The following INPP5E variants were observed in gnomAD, a reference collection of about 807,000 sequenced individuals.
INPP5E encodes the protein inositol polyphosphate-5-phosphatase E.
Under a neutral mutation model 50.5 loss-of-function variants are expected in INPP5E, and 34 were observed. The ratio of observed to expected loss-of-function variants is 0.67; its 90% CI spans 0.51 to 0.90. INPP5E has a LOEUF of 0.90. Among genes scored for constraint, INPP5E ranks in the 40% least tolerant of loss-of-function variants. The pLI is 0.00. For missense variants in INPP5E, 942 were observed against 905.5 expected (o/e 1.04, Z -0.52); for synonymous variants, 447 against 406.0 (o/e 1.10, Z -1.21).
chr9:136,429,990 CAG>C (rs1457628910), intron 9 of INPP5E, among the ~76,000 whole-genome samples, 183 bp from the exon 10 acceptor site: 4 of 152,242 alleles, frequency 2.6e-5, no homozygotes, highest in African/African-American at 4.8e-5. Flanking sequence ...GTTCCTGGGA[CAG>C]AGCCGCAGGA....
chr9:136,429,619 GT>G lies in INPP5E; in HGVS notation c.*55del. On this transcript the variant is annotated 3_prime_UTR_variant, in exon 10 of 10. Coordinates refer to ENST00000371712, the MANE Select transcript of INPP5E (RefSeq NM_019892.6). ...GCAAACTCTTTGTCCTTCCCAGTGG[GT>G]TTTGATCAATACAATCACCCCACGT... 6.2e-7 allele frequency: 1 copy of G among 1,607,018 alleles called. No individual in the cohort carries two copies. The highest frequency in any genetic ancestry group is 8.5e-7 in the Non-Finnish European group (1 of 1,176,906).
At chr9:136,432,774 G>A (rs557157936) in intron 5 of INPP5E, among the ~76,000 whole-genome samples, 182 bp downstream of exon 5, 2 of 152,354 alleles carry the variant, frequency 1.3e-5, no homozygotes, top group East Asian at 1.9e-4. Context: ...AGCACGGCAC[G>A]CCCTCGGTGC....
At chr9:136,437,812 A>T (rs1311058649) in intron 1 of INPP5E, 1 of 152,462 alleles carries the variant, frequency 6.6e-6, no homozygotes, top group East Asian at 1.9e-4. Flanking sequence ...CTGCCAAGTC[A>T]TAGTGGGAGC....
Position 136,432,499 on chromosome 9 carries a change from T to C in INPP5E, c.1367A>G (p.Asn456Ser). 1.9e-6 allele frequency: 3 copies of C among 1,550,726 alleles called. No homozygotes were observed. Among genetic ancestry groups the C allele is most frequent in the Non-Finnish European group, 2.6e-6 (3 of 1,146,670 alleles). The stretch of plus-strand genomic sequence containing the variant: ...CTCACCTGCGCTGGAGCGATAGGGG[T>C]TGGTGTCGGGCACATTTCTGGGCAG... Reference protein sequence around the residue: ...LVLPRNVPDTNPYRSSAADVT... With the variant: ...LVLPRNVPDTSPYRSSAADVT... The change falls in exon 6 of 10, where the codon AAC becomes AGC. Residue 456 changes from asparagine to serine, a missense_variant. By Grantham distance (46) the Asn-to-Ser change is conservative. Coordinates refer to ENST00000371712, the MANE Select transcript of INPP5E (RefSeq NM_019892.6).
intron 1 of INPP5E, 54 bp from the exon 2 acceptor site, chr9:136,434,917 G>A: frequency 6.4e-7 from 1 of 1,568,276 alleles, no homozygotes; most frequent in South Asian, 1.2e-5. Context: ...ATCCCTGGGG[G>A]TCTGGGCCAG....
chr9:136,431,166 C>A (rs752018638), intron 7 of INPP5E, 49 bp from the exon 8 acceptor site: 2 of 1,258,092 alleles, frequency 1.6e-6, no homozygotes, highest in East Asian at 2.4e-5. Context: ...TTGTGCCAGC[C>A]GCCGCACCCC....
At chr9:136,433,935 C>G (rs1349949758) in intron 3 of INPP5E, 102 bp downstream of exon 3, 1 of 911,860 alleles carries the variant, frequency 1.1e-6, no homozygotes, top group Non-Finnish European at 1.7e-6. Context: ...CCCGGGCAGG[C>G]ACTGCAGACC....
intron 2 of INPP5E, 100 bp downstream of exon 2, chr9:136,434,640 T>C: frequency 6.7e-7 from 1 of 1,486,990 alleles, no homozygotes. Flanking sequence ...TCTGCCCTCC[T>C]GGCCCCAGGA....
At chr9:136,435,016 G>A (rs572427815) in intron 1 of INPP5E, among the ~76,000 whole-genome samples, 153 bp from the exon 2 acceptor site, 4 of 152,240 alleles carry the variant, frequency 2.6e-5, no homozygotes, top group Non-Finnish European at 5.9e-5. Flanking sequence ...CGGCACTGCT[G>A]TCTGCTCTCC....
chr9:136,434,488 C>T (rs1835786733), intron 2 of INPP5E, among the ~76,000 whole-genome samples: 1 of 151,648 alleles, frequency 6.6e-6, no homozygotes, highest in Admixed American at 6.6e-5. Context: ...TGATTCTCGG[C>T]CAGGCCCGTT....
Position 136,431,020 on chromosome 9 carries a change from C to G in INPP5E, c.1647G>C (p.Gln549His), listed in dbSNP as rs1835686506. The change falls in exon 8 of 10, where the codon CAG (glutamine) becomes CAC (histidine). Residue 549 changes from glutamine to histidine, a missense_variant. Physicochemically the swap from Gln to His is conservative, Grantham distance 24 (BLOSUM62 0). Coordinates refer to ENST00000371712, the MANE Select transcript of INPP5E (RefSeq NM_019892.6). ...GCCTCACCGTGTATGAGGGCGTCCTCTGCTTGGAGGTGCTGTCGTACGTGT... is the reference window on the plus strand; with the variant it reads ...GCCTCACCGTGTATGAGGGCGTCCTGTGCTTGGAGGTGCTGTCGTACGTGT... ...GKDTYDSTSK[Q>H]RTPSYTDRVL... 6.2e-7 allele frequency: 1 copy of G among 1,612,540 alleles called. No individual in the cohort carries two copies. The highest frequency in any genetic ancestry group is 1.3e-5 in the African/African-American group (1 of 74,790).
At chr9:136,435,524 T>G (rs1044339827) in intron 1 of INPP5E, 10 of 152,938 alleles carry the variant, frequency 6.5e-5, no homozygotes, top group Admixed American at 5.2e-4. Context: ...GTTATTTATT[T>G]ATTTTTTATT....
At chr9:136,438,446 G>A in intron 1 of INPP5E, 162 bp downstream of exon 1, 1 of 684,380 alleles carries the variant, frequency 1.5e-6, no homozygotes, top group East Asian at 2.7e-5. Context: ...GGGCGCTGCT[G>A]TGGGGTGGGG....
chr9:136,432,099 CG>C (rs1835721595), intron 6 of INPP5E, 114 bp from the exon 7 acceptor site: 24 of 1,311,380 alleles, frequency 1.8e-5, no homozygotes, highest in Non-Finnish European at 2.6e-5. Context: ...GGGCGCCAGC[CG>C]GTGGGGCCGG....
chr9:136,439,055 C>A lies in INPP5E; in HGVS notation c.365G>T (p.Gly122Val). The change falls in exon 1 of 10, where the codon GGG becomes GTG. Residue 122 changes from glycine (G) to valine (V), a missense_variant. Physicochemically the swap from Gly to Val is moderately radical, Grantham distance 109. Transcript: ENST00000371712. ...CGGGGAGCAGCTGTGGGCGGGGGCC[C>A]CGGGGCCCTCGCTCTGCACTGAGCC... ...SRGSVQSEGP[G>V]APAHSCSPPC... 1 of 1,568,554 alleles carries A rather than the reference C, an allele frequency of 6.4e-7. No homozygotes were observed. Among genetic ancestry groups the A allele is most frequent in the Non-Finnish European group, 8.6e-7 (1 of 1,157,610 alleles).
intron 3 of INPP5E, among the ~76,000 whole-genome samples, 153 bp downstream of exon 3, chr9:136,433,884 G>A (rs550746496): frequency 3.3e-5 from 5 of 151,214 alleles, no homozygotes; most frequent in Non-Finnish European, 4.4e-5. Context: ...GCCCGGCCAC[G>A]AACCGGGTAT....
chr9:136,430,227 A>G (rs868448861), intron 9 of INPP5E, 50 bp downstream of exon 9: 3 of 1,549,476 alleles, frequency 1.9e-6, no homozygotes, highest in East Asian at 2.4e-5. Flanking sequence ...TCATGGGACG[A>G]CGGCACGACC....
chr9:136,439,200 G>A lies in INPP5E; in HGVS notation c.220C>T (p.Pro74Ser), dbSNP rs755881439. 3.6e-5 allele frequency: 55 copies of A among 1,541,252 alleles called. No homozygotes were observed. The highest frequency in any genetic ancestry group is 3.9e-5 in the Admixed American group (2 of 51,598). The change falls in exon 1 of 10, where the codon CCC becomes TCC. Residue 74 changes from proline to serine, a missense_variant. Coordinates refer to ENST00000371712, the MANE Select transcript of INPP5E (RefSeq NM_019892.6). The part of the protein sequence containing the change: ...PARAAPIAPR[P>S]PARPRLERAL... ...CGCTCCAGTCGAGGCCTGGCGGGGG[G>A]CCGCGGGGCGATGGGTGCTGCTCGG...
At chr9:136,435,261 G>A (rs1023574500) in intron 1 of INPP5E, among the ~76,000 whole-genome samples, 6 of 151,996 alleles carry the variant, frequency 3.9e-5, no homozygotes, top group African/African-American at 9.7e-5. Context: ...CAGGCAGGAC[G>A]GTCTAAGATA....
Sources: allele counts gnomAD v4.1 joint callset (sites outside exome capture counted in the v4.1 genomes callset), GRCh38; gene constraint gnomAD v4.1.1; transcripts MANE v1.5; gene names NCBI Gene and HGNC (gene_info 2026-07-23, HGNC 2026-07-21).